SDK2: variants seen among roughly 807,000 people sequenced by gnomAD.
SDK2 encodes protein sidekick-2.
In SDK2, 105 loss-of-function variants were observed where a neutral mutation model predicts 253.9. The observed-to-expected ratio is 0.41, with a 90% CI of 0.35 to 0.49. The LOEUF (loss-of-function observed/expected upper bound fraction) is 0.49, where lower values mean the gene tolerates loss of function less well. Ranked by LOEUF, SDK2 falls within the 20% of genes least tolerant of loss-of-function variation. The probability of loss-of-function intolerance (pLI) is 0.06; values close to 1 mark genes in which losing one functional copy is unlikely to be tolerated. For missense variants in SDK2, 2,608 were observed against 3,003.0 expected, an observed-to-expected ratio of 0.87 and a Z score of 3.07; for synonymous variants, 1,249 against 1,234.9, an observed-to-expected ratio of 1.01 and a Z score of -0.24.
Position 73,616,421 on chromosome 17 carries a change from T to G in SDK2, c.64+27604A>C, listed in dbSNP as rs1702811. Among the ~76,000 whole-genome samples the G allele has an allele frequency of 0.03, 4,617 of 152,202 alleles. 135 individuals carry two copies. The highest frequency in any genetic ancestry group is 0.077 in the African/African-American group (3,198 of 41,516). ...GAGGGAAAGAGGCAAGCAACGGTGATTTCCTTTCACTTGGGCAGGCTGACC... is the reference window on the plus strand; with the variant it reads ...GAGGGAAAGAGGCAAGCAACGGTGAGTTCCTTTCACTTGGGCAGGCTGACC... On this transcript the variant is annotated intron_variant, in intron 1 of 44. Transcript: ENST00000392650. The surrounding 1 kb of genome is among the most constrained non-coding windows in gnomAD (Gnocchi z 5.2).
intron 43 of SDK2, among the ~76,000 whole-genome samples, 177 bp downstream of exon 43, chr17:73,350,060 C>T (rs1438797335): frequency 6.6e-6 from 1 of 152,194 alleles, no homozygotes. Flanking sequence ...CCCTAGTTGT[C>T]CTGCTTGGGC....
intron 1 of SDK2, among the ~76,000 whole-genome samples, chr17:73,623,147 C>T (rs2046154852): frequency 6.6e-6 from 1 of 152,218 alleles, no homozygotes; most frequent in Non-Finnish European, 1.5e-5. Context: ...TCATTGCTTT[C>T]TATTTCATTT....
rs190211582 is a variant in SDK2, at chr17:73,543,562, C to A, written c.65-35965G>T. On this transcript the variant is annotated intron_variant, in intron 1 of 44. Coordinates refer to ENST00000392650, the MANE Select transcript of SDK2 (RefSeq NM_001144952.2). ...ACCTTCCCCAGACTCTTCCGGCAAT[C>A]GACACAGGAGTTATTAACACAAGGG... is the stretch of plus-strand genomic sequence containing the variant. Among the ~76,000 whole-genome samples the A allele has an allele frequency of 1.0e-3, 158 of 152,358 alleles. 1 individual carries two copies. The highest frequency in any genetic ancestry group is 3.5e-3 in the African/African-American group (145 of 41,576).
chr17:73,459,613 T>G (rs1363297013), intron 3 of SDK2, among the ~76,000 whole-genome samples: 2 of 152,214 alleles, frequency 1.3e-5, no homozygotes, highest in African/African-American at 4.8e-5. Flanking sequence ...TGTGTAATGG[T>G]AATGGCTTTG....
chr17:73,622,977 C>T (rs961047147), intron 1 of SDK2, among the ~76,000 whole-genome samples: 2 of 152,204 alleles, frequency 1.3e-5, no homozygotes, highest in African/African-American at 2.4e-5. Context: ...CTGTAGGCCT[C>T]GGCCAGCCCT....
intron 32 of SDK2, among the ~76,000 whole-genome samples, chr17:73,384,408 T>C (rs1452044366): frequency 6.6e-6 from 1 of 152,172 alleles, no homozygotes; most frequent in Non-Finnish European, 1.5e-5. Flanking sequence ...CCAGGCCTGC[T>C]GGTCCCTGCC....
rs1227854002 is a variant in SDK2 at position 73,352,163 on chromosome 17, T to C, written c.5758+310A>G. 2.6e-5 allele frequency among the ~76,000 whole-genome samples: 4 copies of C among 152,032 alleles called. No individual in the cohort carries two copies. Among genetic ancestry groups the C allele is most frequent in the Non-Finnish European group, 5.9e-5 (4 of 68,006 alleles). On this transcript the variant is annotated intron_variant, in intron 41 of 44. Transcript: ENST00000392650. This position sits in a 1 kb window ranked among gnomAD's most constrained non-coding sequence, Gnocchi z 4.1. ...AAGATAGTTTATGGCCTGGTGCCCA[T>C]GAATGTCCTGGGTGATGAGTGCATG...
At chr17:73,411,074 C>A (rs1047864338) in intron 18 of SDK2, among the ~76,000 whole-genome samples, 39 of 152,336 alleles carry the variant, frequency 2.6e-4, no homozygotes, top group African/African-American at 9.1e-4. Flanking sequence ...CTCTGCCTCC[C>A]CCCAGGGTCC....
Position 73,352,484 on chromosome 17 carries a change from T to C in SDK2, c.5747A>G (p.Gln1916Arg). Residue 1916 changes from glutamine (Q) to arginine (R), a missense_variant, in exon 41 of 45, where the codon CAG becomes CGG. Gln to Arg is a conservative substitution (Grantham distance 43). Transcript: ENST00000392650. This position sits in a 1 kb window ranked among gnomAD's most constrained non-coding sequence, Gnocchi z 4.1. ...YGFGTPSSPS[Q>R]SVPAQKANPF... ...CCCCAGGCCGGTACCTGGCACAGAC[T>C]GGGAGGGGCTGCTGGGGGTGCCGAA... 6.2e-7 allele frequency: 1 copy of C among 1,613,136 alleles called. No individual in the cohort carries two copies. The highest frequency in any genetic ancestry group is 1.1e-5 in the South Asian group (1 of 90,852).
intron 28 of SDK2, 77 bp downstream of exon 28, chr17:73,391,363 T>G: frequency 1.3e-6 from 1 of 781,702 alleles, no homozygotes; most frequent in Non-Finnish European, 1.8e-6. Flanking sequence ...CTCAAGCTGG[T>G]AACGAAGTGG....
chr17:73,525,137 G>A (rs569313892), intron 1 of SDK2, among the ~76,000 whole-genome samples: 4 of 152,226 alleles, frequency 2.6e-5, no homozygotes, highest in South Asian at 2.1e-4. Flanking sequence ...AGGAGTAAGC[G>A]AGAGCTGGCC....
At chr17:73,621,825 G>A (rs2046137012) in intron 1 of SDK2, among the ~76,000 whole-genome samples, 1 of 152,076 alleles carries the variant, frequency 6.6e-6, no homozygotes, top group South Asian at 2.1e-4. Context: ...ATCTAACATA[G>A]GTGTTAGTGA....
chr17:73,439,057 A>G (rs996885790), intron 6 of SDK2, among the ~76,000 whole-genome samples: 6 of 152,178 alleles, frequency 3.9e-5, no homozygotes, highest in Non-Finnish European at 8.8e-5. Flanking sequence ...GTGATCCACA[A>G]TGCTTGGTGT....
At chr17:73,557,458 A>G (rs2045161977) in intron 1 of SDK2, among the ~76,000 whole-genome samples, 1 of 152,074 alleles carries the variant, frequency 6.6e-6, no homozygotes, top group East Asian at 1.9e-4. Context: ...GTGTACCACC[A>G]CATCTGGCTA....
At chr17:73,419,970 G>A (rs2063216247) in intron 15 of SDK2, among the ~76,000 whole-genome samples, 1 of 152,166 alleles carries the variant, frequency 6.6e-6, no homozygotes, top group African/African-American at 2.4e-5. Flanking sequence ...CTGCTGTTGG[G>A]GCTGATGAGG....
At chr17:73,440,954 G>A (rs118118340) in intron 5 of SDK2, 31 bp from the exon 6 acceptor site, 31,466 of 1,473,754 alleles carry the variant, frequency 0.021, 958 homozygotes, top group East Asian at 0.17. Flanking sequence ...AGCTGGGGGC[G>A]AGGCTGGAAA....
In SDK2 at chr17:73,496,886, A is replaced by G. The variant is rs1039652078; in HGVS notation, c.224+10552T>C. Among the ~76,000 whole-genome samples the G allele has an allele frequency of 3.3e-5, 5 of 151,738 alleles. No individual in the cohort carries two copies. The highest frequency in any genetic ancestry group is 7.4e-5 in the Non-Finnish European group (5 of 67,938). The stretch of plus-strand genomic sequence containing the variant: ...TCTATGTCCCTAAATTGAGCTGACG[A>G]TTTATTTATTTGTTTTTATTTATGT... On this transcript the variant is annotated intron_variant, in intron 2 of 44. Transcript: ENST00000392650. This position sits in a 1 kb window ranked among gnomAD's most constrained non-coding sequence, Gnocchi z 4.7.
At chr17:73,562,068 G>C (rs1442714123) in intron 1 of SDK2, among the ~76,000 whole-genome samples, 3 of 152,320 alleles carry the variant, frequency 2.0e-5, no homozygotes, top group Middle Eastern at 3.4e-3. Context: ...AGAGGTTGCA[G>C]TGAGCCGAGA....
intron 15 of SDK2, 45 bp from the exon 16 acceptor site, chr17:73,419,351 A>T: frequency 6.3e-7 from 1 of 1,594,682 alleles, no homozygotes; most frequent in Non-Finnish European, 8.5e-7. Context: ...GGTCAAACAC[A>T]GGAGTTGAAT....
Sources: allele counts gnomAD v4.1 joint callset (sites outside exome capture counted in the v4.1 genomes callset), GRCh38; gene constraint gnomAD v4.1.1; non-coding constraint Gnocchi (gnomAD v3.1); transcripts MANE v1.5; gene names NCBI Gene and HGNC (gene_info 2026-07-23, HGNC 2026-07-21).